Variants in PPP2R2A observed in about 807,000 individuals in gnomAD.
PPP2R2A encodes serine/threonine-protein phosphatase 2A 55 kDa regulatory subunit B alpha isoform.
A neutral mutation model predicts 53.2 loss-of-function variants in PPP2R2A; 9 were observed. That is an observed-to-expected ratio of 0.17 (90% CI 0.10 to 0.30). The LOEUF is 0.30. Among genes scored for constraint, PPP2R2A ranks in the 10% least tolerant of loss-of-function variants. The pLI is 1.00. For missense variants in PPP2R2A, 235 were observed against 534.6 expected, an observed-to-expected ratio of 0.44 and a Z score of 5.53; for synonymous variants, 169 against 174.2, an observed-to-expected ratio of 0.97 and a Z score of 0.23.
intron 2 of PPP2R2A, among the ~76,000 whole-genome samples, chr8:26,329,516 C>T (rs889234337): frequency 1.3e-5 from 2 of 152,158 alleles, no homozygotes; most frequent in Non-Finnish European, 2.9e-5. Context: ...ACAAAACCCC[C>T]TTTTCCTATT....
chr8:26,359,555 TTTC>T (rs1421573174), intron 4 of PPP2R2A, among the ~76,000 whole-genome samples: 6 of 152,184 alleles, frequency 3.9e-5, no homozygotes, highest in African/African-American at 1.4e-4. Context: ...AGGAATTTGG[TTTC>T]TTCTTGAAGG....
intron 2 of PPP2R2A, among the ~76,000 whole-genome samples, chr8:26,299,619 T>C (rs1349343772): frequency 1.3e-5 from 2 of 152,126 alleles, no homozygotes; most frequent in Non-Finnish European, 2.9e-5. Context: ...TGAAAAACAG[T>C]CCATATTATG....
intron 2 of PPP2R2A, among the ~76,000 whole-genome samples, chr8:26,295,894 G>T (rs984050236): frequency 1.3e-5 from 2 of 152,054 alleles, no homozygotes; most frequent in African/African-American, 2.4e-5. Flanking sequence ...GTAAAATAAG[G>T]TTATTAACAC....
chr8:26,366,903 T>A (rs1479736435), intron 9 of PPP2R2A, among the ~76,000 whole-genome samples: 2 of 152,166 alleles, frequency 1.3e-5, no homozygotes, highest in African/African-American at 2.4e-5. Context: ...TAATTTCCAG[T>A]TTTGCCGTAG....
chr8:26,319,535 T>G (rs551235121), intron 2 of PPP2R2A, among the ~76,000 whole-genome samples: 2 of 152,320 alleles, frequency 1.3e-5, no homozygotes, highest in African/African-American at 4.8e-5. Context: ...ATTTTTAGTA[T>G]GATGTAAAGC....
intron 9 of PPP2R2A, 116 bp downstream of exon 9, chr8:26,366,522 A>T (rs1052515879): frequency 5.7e-6 from 4 of 702,394 alleles, no homozygotes; most frequent in Admixed American, 6.8e-5. Flanking sequence ...GTAATTTTAG[A>T]TATAGCACAG....
Position 26,360,085 on chromosome 8 carries a change from G to T in PPP2R2A, c.347-84G>T. The T allele has an allele frequency of 6.2e-6, 4 of 641,508 alleles. No individual in the cohort carries two copies. Among genetic ancestry groups the T allele is most frequent in the Non-Finnish European group, 5.1e-6 (2 of 390,502 alleles). The allele number at this position is 641,508 out of a possible 1,614,324, so 39.7% of individuals were successfully genotyped here. On this transcript the variant is annotated intron_variant, in intron 4 of 9. Coordinates refer to ENST00000380737, the MANE Select transcript of PPP2R2A (RefSeq NM_002717.4). This position sits in a 1 kb window ranked among gnomAD's most constrained non-coding sequence, Gnocchi z 4.5. ...TTTTTTTCGTGGAATCCTTTTACGT[G>T]AAATGTGAAATAGCATATTTTAAAT...
Position 26,370,170 on chromosome 8 carries a change from A to G in PPP2R2A, c.1101A>G (p.Arg367=), listed in dbSNP as rs1363852625. The G allele has an allele frequency of 6.2e-7, 1 of 1,614,086 alleles. No individual in the cohort carries two copies. Among genetic ancestry groups the G allele is most frequent in the Non-Finnish European group, 8.5e-7 (1 of 1,179,976 alleles). ...CTGGATCTTACAATAATTTCTTCAG[A>G]ATGTTTGACAGAAACACAAAGCGAG... ...VMTGSYNNFF[R]MFDRNTKRDI... Residue 367 remains arginine (R), a synonymous_variant, in exon 10 of 10, where the codon AGA becomes AGG. Coordinates refer to ENST00000380737, the MANE Select transcript of PPP2R2A (RefSeq NM_002717.4). This position sits in a 1 kb window ranked among gnomAD's most constrained non-coding sequence, Gnocchi z 6.1.
intron 2 of PPP2R2A, among the ~76,000 whole-genome samples, chr8:26,316,799 G>A (rs142297430): frequency 0.012 from 1,774 of 152,250 alleles, 20 homozygotes; most frequent in African/African-American, 0.032. Context: ...CACACTAATC[G>A]CATTCATGAG....
intron 3 of PPP2R2A, among the ~76,000 whole-genome samples, chr8:26,349,185 T>C (rs949882755): frequency 1.3e-5 from 2 of 152,152 alleles, no homozygotes; most frequent in African/African-American, 4.8e-5. Flanking sequence ...ATTTTTAATT[T>C]TTTGTTCATT....
At chr8:26,300,044 C>A (rs1437546402) in intron 2 of PPP2R2A, among the ~76,000 whole-genome samples, 1 of 152,144 alleles carries the variant, frequency 6.6e-6, no homozygotes, top group African/African-American at 2.4e-5. Flanking sequence ...CCATTAAATA[C>A]CATGAATGAT....
rs546593777 is a variant in PPP2R2A, at chr8:26,371,462, A to T, written c.*1049A>T. ...TGTAAATGGGAACCAAATTTGTAGAACTTAATTTCTACTTTTTAGAGTGCT... is the reference window on the plus strand; with the variant it reads ...TGTAAATGGGAACCAAATTTGTAGATCTTAATTTCTACTTTTTAGAGTGCT... On this transcript the variant is annotated 3_prime_UTR_variant, in exon 10 of 10. Transcript: ENST00000380737. 6 of 152,042 alleles carry T rather than the reference A, an allele frequency of 3.9e-5. No individual in the cohort carries two copies. In the South Asian group the frequency reaches 1.2e-3, roughly 32 times the overall value. The allele number at this position is 152,042 out of a possible 1,614,324, so 9.4% of individuals were successfully genotyped here.
In PPP2R2A at chr8:26,371,098, A is replaced by G. The variant is rs1048776183; in HGVS notation, c.*685A>G. ...CTGGCACTGAAAATAAGGAAAAAAAACCTACTACTGAATAAAAGTGACAAA... is the reference window on the plus strand; with the variant it reads ...CTGGCACTGAAAATAAGGAAAAAAAGCCTACTACTGAATAAAAGTGACAAA... On this transcript the variant is annotated 3_prime_UTR_variant, in exon 10 of 10. Transcript: ENST00000380737. 6.6e-6 allele frequency: 1 copy of G among 152,448 alleles called. No homozygotes were observed. The allele number at this position is 152,448 out of a possible 1,614,324, so 9.4% of individuals were successfully genotyped here. A position where few individuals can be genotyped will look rare whatever the true frequency, so the allele number is the denominator to read the frequency against.
rs547036820 is a variant in PPP2R2A at position 26,333,434 on chromosome 8, A to G, written c.83-5456A>G. On this transcript the variant is annotated intron_variant, in intron 2 of 9. Coordinates refer to ENST00000380737, the MANE Select transcript of PPP2R2A (RefSeq NM_002717.4). ...AATACCTTCAGCTGTATTAAAAATTATATAGGTAATACAGTTATAACCCTC... is the reference window on the plus strand; with the variant it reads ...AATACCTTCAGCTGTATTAAAAATTGTATAGGTAATACAGTTATAACCCTC... The G allele has an allele frequency of 6.1e-6, 5 of 823,594 alleles. No individual in the cohort carries two copies. In the South Asian group the frequency reaches 9.7e-5, roughly 16 times the overall value. The allele number at this position is 823,594 out of a possible 1,614,324, so 51.0% of individuals were successfully genotyped here. A position where few individuals can be genotyped will look rare whatever the true frequency, so the allele number is the denominator to read the frequency against.
intron 2 of PPP2R2A, among the ~76,000 whole-genome samples, chr8:26,322,025 A>G (rs1802866281): frequency 6.6e-6 from 1 of 152,226 alleles, no homozygotes; most frequent in Non-Finnish European, 1.5e-5. Flanking sequence ...ACACATCCAG[A>G]TTCAGTAGGT....
chr8:26,361,196 G>A (rs1805063431), intron 6 of PPP2R2A, 45 bp downstream of exon 6: 2 of 1,495,078 alleles, frequency 1.3e-6, no homozygotes, highest in African/African-American at 1.4e-5. Context: ...AAGGCATGTT[G>A]TGCCCATATT....
At chr8:26,299,714 ATC>A (rs1378942541) in intron 2 of PPP2R2A, among the ~76,000 whole-genome samples, 6 of 148,940 alleles carry the variant, frequency 4.0e-5, no homozygotes, top group African/African-American at 1.2e-4. Flanking sequence ...TCTCTTCTGC[ATC>A]TCTTTTTTTT....
intron 6 of PPP2R2A, among the ~76,000 whole-genome samples, chr8:26,361,618 T>C (rs955997638): frequency 6.6e-6 from 1 of 151,898 alleles, no homozygotes; most frequent in African/African-American, 2.4e-5. Flanking sequence ...AAAAAATTTT[T>C]TTTCTTCTAA....
rs566829477 is a variant in PPP2R2A, at chr8:26,341,817, C to T, written c.180+2830C>T. The stretch of plus-strand genomic sequence containing the variant: ...CACCCACTCATTTTTATTGTCTTTA[C>T]TTGGAAGAAGAAGAGATCATATAAC... On this transcript the variant is annotated intron_variant, in intron 3 of 9. Transcript: ENST00000380737. 2.6e-5 allele frequency among the ~76,000 whole-genome samples: 4 copies of T among 152,258 alleles called. No homozygotes were observed. In the South Asian group the frequency reaches 8.3e-4, roughly 32 times the overall value.
Sources: allele counts gnomAD v4.1 joint callset (sites outside exome capture counted in the v4.1 genomes callset), GRCh38; gene constraint gnomAD v4.1.1; non-coding constraint Gnocchi (gnomAD v3.1); transcripts MANE v1.5; gene names NCBI Gene and HGNC (gene_info 2026-07-23, HGNC 2026-07-21).